ARB2A: variants seen among roughly 807,000 people sequenced by gnomAD.
ARB2A encodes the protein cotranscriptional regulator ARB2A.
chr5:93,929,583 T>C, the ARB2A span, among the ~76,000 whole-genome samples: 2 of 151,498 alleles, frequency 1.3e-5, no homozygotes, highest in African/African-American at 4.9e-5. Context: ...ACAAAAAAAG[T>C]AAAGCAACAT....
chr5:93,950,671 C>T, the ARB2A span, among the ~76,000 whole-genome samples: 2 of 150,750 alleles, frequency 1.3e-5, no homozygotes, highest in East Asian at 3.9e-4. Context: ...ATAGGCCAGG[C>T]ACAGTGGCTC....
chr5:94,090,629 T>G, the ARB2A span, among the ~76,000 whole-genome samples: 2 of 152,220 alleles, frequency 1.3e-5, no homozygotes, highest in Admixed American at 6.5e-5. Context: ...GTTTCCAGCT[T>G]TTGCCCATTC....
the ARB2A span, among the ~76,000 whole-genome samples, chr5:93,817,085 CAA>C: frequency 2.1e-5 from 3 of 141,772 alleles, no homozygotes; most frequent in African/African-American, 8.7e-5. Flanking sequence ...GGAATACACA[CAA>C]ACACACACAC....
chr5:93,637,358 T>TTTG, the ARB2A span, among the ~76,000 whole-genome samples: 2 of 102,762 alleles, frequency 1.9e-5, no homozygotes, highest in South Asian at 2.5e-4. Flanking sequence ...TGTTTAGTTT[T>TTTG]TTTTTTTTTT....
At chr5:93,767,239 C>A in the ARB2A span, among the ~76,000 whole-genome samples, 1 of 152,036 alleles carries the variant, frequency 6.6e-6, no homozygotes, top group Non-Finnish European at 1.5e-5. Flanking sequence ...ATAGACAATT[C>A]TCAAAAGAAG....
At chr5:94,076,026 C>A in the ARB2A span, among the ~76,000 whole-genome samples, 10 of 152,102 alleles carry the variant, frequency 6.6e-5, no homozygotes, top group African/African-American at 2.2e-4. Flanking sequence ...AAATGTAAAA[C>A]ATTTCATATA....
At chr5:94,038,409 A>G in the ARB2A span, among the ~76,000 whole-genome samples, 3 of 152,052 alleles carry the variant, frequency 2.0e-5, no homozygotes, top group Admixed American at 1.3e-4. Context: ...TTAAGCTAAC[A>G]GTATTTTTCT....
the ARB2A span, among the ~76,000 whole-genome samples, chr5:93,772,797 C>T: frequency 2.0e-5 from 3 of 152,200 alleles, no homozygotes; most frequent in African/African-American, 7.2e-5. Flanking sequence ...TGGGCCTCTC[C>T]ACAGGGCAGC....
the ARB2A span, among the ~76,000 whole-genome samples, chr5:93,809,904 A>G: frequency 6.6e-6 from 1 of 152,076 alleles, no homozygotes; most frequent in Admixed American, 6.6e-5. Flanking sequence ...ATGGGACAAA[A>G]TAAAAGAAAA....
chr5:93,884,722 T>A, the ARB2A span, among the ~76,000 whole-genome samples: 27 of 151,700 alleles, frequency 1.8e-4, no homozygotes, highest in African/African-American at 6.0e-4. Flanking sequence ...TTAATAAATA[T>A]CTTTGTTGCA....
the ARB2A span, among the ~76,000 whole-genome samples, chr5:94,027,766 A>C: frequency 6.6e-6 from 1 of 152,156 alleles, no homozygotes; most frequent in Non-Finnish European, 1.5e-5. Flanking sequence ...GAATTCCGTG[A>C]GCCACTCTAG....
the ARB2A span, among the ~76,000 whole-genome samples, chr5:93,978,420 G>A: frequency 7.2e-4 from 109 of 152,266 alleles, no homozygotes; most frequent in African/African-American, 2.6e-3. Context: ...ATACATGATG[G>A]AATACTATGC....
chr5:93,900,440 G>A, the ARB2A span, among the ~76,000 whole-genome samples: 1 of 151,666 alleles, frequency 6.6e-6, no homozygotes, highest in Non-Finnish European at 1.5e-5. Context: ...GTGAAACCCC[G>A]TCTCTACGAA....
the ARB2A span, among the ~76,000 whole-genome samples, chr5:93,986,079 T>C: frequency 7.2e-6 from 1 of 138,610 alleles, no homozygotes; most frequent in East Asian, 2.2e-4. Flanking sequence ...CCGCCCCGTC[T>C]GGGAGGTGAG....
At chr5:93,905,442 G>A in the ARB2A span, among the ~76,000 whole-genome samples, 3 of 151,582 alleles carry the variant, frequency 2.0e-5, no homozygotes, top group Non-Finnish European at 4.4e-5. Context: ...AAGAGGGTGA[G>A]GTGATAACGT....
the ARB2A span, among the ~76,000 whole-genome samples, chr5:93,696,488 A>C: frequency 6.6e-6 from 1 of 152,150 alleles, no homozygotes; most frequent in Non-Finnish European, 1.5e-5. Context: ...ATTAGATAGA[A>C]TCCCATATTC....
the ARB2A span, among the ~76,000 whole-genome samples, chr5:93,943,070 T>C: frequency 6.6e-6 from 1 of 152,144 alleles, no homozygotes; most frequent in Non-Finnish European, 1.5e-5. Flanking sequence ...TGTGTTATTA[T>C]AAACTGCTGT....
chr5:93,855,937 C>A, the ARB2A span, among the ~76,000 whole-genome samples: 1 of 151,932 alleles, frequency 6.6e-6, no homozygotes. Flanking sequence ...CGCAGTTCCT[C>A]ACCAGTAACG....
chr5:94,093,403 T>G, the ARB2A span, among the ~76,000 whole-genome samples: 3 of 152,138 alleles, frequency 2.0e-5, no homozygotes, highest in African/African-American at 7.2e-5. Context: ...AGGACCAGTT[T>G]CTGGTGAAGG....
Sources: allele counts gnomAD v4.1 joint callset (sites outside exome capture counted in the v4.1 genomes callset), GRCh38; gene constraint gnomAD v4.1.1; transcripts MANE v1.5; gene names NCBI Gene and HGNC (gene_info 2026-07-23, HGNC 2026-07-21).